Variants in POU2AF3 observed in about 807,000 individuals in gnomAD.
POU2AF3 encodes POU class 2 homeobox associating factor 3.
chr11:111,298,827 C>CGGGGGGGGGCG, the POU2AF3 span: 10 of 631,562 alleles, frequency 1.6e-5, no homozygotes, highest in Non-Finnish European at 2.2e-5. Flanking sequence ...GTACCCCAGG[C>CGGGGGGGGGCG]CCCCGCCCGC....
chr11:111,304,196 A>G, the POU2AF3 span, among the ~76,000 whole-genome samples: 1 of 152,176 alleles, frequency 6.6e-6, no homozygotes, highest in Non-Finnish European at 1.5e-5. Context: ...TTAGCTACTC[A>G]GAATTAACAA....
the POU2AF3 span, among the ~76,000 whole-genome samples, chr11:111,302,273 G>A: frequency 1.3e-5 from 2 of 152,162 alleles, no homozygotes; most frequent in African/African-American, 2.4e-5. Context: ...CAGATCTGAC[G>A]ATACTAAGCA....
the POU2AF3 span, chr11:111,308,464 G>A: frequency 2.7e-3 from 4,153 of 1,517,708 alleles, 86 homozygotes; most frequent in African/African-American, 0.052. Context: ...TCAGAACATG[G>A]CATGGGTATA....
At chr11:111,298,826 G>GGGGGGCGC in the POU2AF3 span, 1 of 790,962 alleles carries the variant, frequency 1.3e-6, no homozygotes, top group Non-Finnish European at 1.7e-6. Context: ...CGTACCCCAG[G>GGGGGGCGC]CCCCCGCCCG....
the POU2AF3 span, chr11:111,308,682 A>G: frequency 3.0e-6 from 1 of 336,448 alleles, no homozygotes; most frequent in Admixed American, 4.7e-5. Flanking sequence ...TACTTTTTGT[A>G]TAACGAACAA....
At chr11:111,299,313 C>G in the POU2AF3 span, 6 of 987,466 alleles carry the variant, frequency 6.1e-6, no homozygotes, top group African/African-American at 1.7e-5. Context: ...CAGCGCACTT[C>G]CCGGCGCGAT....
At chr11:111,298,617 G>C in the POU2AF3 span, 1 of 1,246,576 alleles carries the variant, frequency 8.0e-7, no homozygotes, top group Non-Finnish European at 1.0e-6. Flanking sequence ...CTAGGGTCGG[G>C]TCAGGCGGGC....
At chr11:111,308,054 T>C in the POU2AF3 span, 1 of 1,475,986 alleles carries the variant, frequency 6.8e-7, no homozygotes, top group Non-Finnish European at 9.0e-7. Flanking sequence ...TGTTTCTTGG[T>C]TGTCATTTCT....
chr11:111,307,394 G>T, the POU2AF3 span, among the ~76,000 whole-genome samples: 1 of 152,088 alleles, frequency 6.6e-6, no homozygotes, highest in Non-Finnish European at 1.5e-5. Context: ...GTCTGTGTGG[G>T]CATCAGACTA....
At chr11:111,299,281 G>T in the POU2AF3 span, 9 of 986,646 alleles carry the variant, frequency 9.1e-6, no homozygotes, top group Non-Finnish European at 1.1e-5. Context: ...CTGAACGCGC[G>T]GTCACCCTCG....
At chr11:111,300,540 G>A in the POU2AF3 span, 3 of 1,231,688 alleles carry the variant, frequency 2.4e-6, no homozygotes, top group Non-Finnish European at 3.0e-6. Context: ...AACCGAAGGT[G>A]TATCAAGGTG....
At chr11:111,305,731 T>G in the POU2AF3 span, among the ~76,000 whole-genome samples, 1 of 152,242 alleles carries the variant, frequency 6.6e-6, no homozygotes, top group Non-Finnish European at 1.5e-5. Context: ...TGTTTACTGA[T>G]TATCTTTGTT....
the POU2AF3 span, chr11:111,298,719 T>A: frequency 2.7e-6 from 3 of 1,100,374 alleles, no homozygotes; most frequent in Non-Finnish European, 3.5e-6. Context: ...GGGCCGGGGA[T>A]CCGGAGAGGA....
At chr11:111,303,232 A>G in the POU2AF3 span, among the ~76,000 whole-genome samples, 1 of 149,938 alleles carries the variant, frequency 6.7e-6, no homozygotes, top group East Asian at 2.0e-4. Flanking sequence ...TCAATTTGCA[A>G]ACATGCGCAT....
chr11:111,305,938 GAA>G, the POU2AF3 span, among the ~76,000 whole-genome samples: 1 of 152,190 alleles, frequency 6.6e-6, no homozygotes, highest in Admixed American at 6.5e-5. Flanking sequence ...GAGTAAGAGT[GAA>G]AAGTTCAAAA....
chr11:111,308,665 A>G, the POU2AF3 span: 132,011 of 370,436 alleles, frequency 0.36, 24,677 homozygotes, highest in South Asian at 0.54. Context: ...GAAACTTTCA[A>G]TTGTTTTACT....
At chr11:111,298,957 A>G in the POU2AF3 span, 1 of 1,020,786 alleles carries the variant, frequency 9.8e-7, no homozygotes, top group South Asian at 4.6e-5. Flanking sequence ...GAGCGCACCG[A>G]CTGCACTGAG....
the POU2AF3 span, chr11:111,298,842 C>CCCCCCAAACA: frequency 8.4e-7 from 1 of 1,184,722 alleles, no homozygotes; most frequent in Non-Finnish European, 1.0e-6. Context: ...GCCCGCCCTC[C>CCCCCCAAACA]CACGTATCCA....
the POU2AF3 span, chr11:111,299,379 C>T: frequency 3.0e-6 from 3 of 996,490 alleles, no homozygotes; most frequent in Non-Finnish European, 3.6e-6. Context: ...CGGACTCCTG[C>T]GGCCACCTCC....
Sources: gnomAD v4.1 joint callset for allele counts (sites outside exome capture counted in the v4.1 genomes callset) on GRCh38, gnomAD v4.1.1 for gene constraint, MANE v1.5 for transcripts, NCBI Gene and HGNC (gene_info 2026-07-23, HGNC 2026-07-21) for gene names.